Variants in ZCCHC4 observed in about 807,000 individuals in gnomAD.
ZCCHC4 encodes the protein rRNA N(6)-adenosine-methyltransferase ZCCHC4.
In ZCCHC4, 54 loss-of-function variants were observed where a neutral mutation model predicts 67.7. The ratio of observed to expected loss-of-function variants is 0.80; its 90% confidence interval spans 0.64 to 1.00. The LOEUF (loss-of-function observed/expected upper bound fraction) is 1.00. Ranked by LOEUF, ZCCHC4 falls within the 50% of genes least tolerant of loss-of-function variation. The pLI, the probability that ZCCHC4 is intolerant of heterozygous loss-of-function variation, is 0.00. For missense variants in ZCCHC4, 609 were observed against 617.0 expected (o/e 0.99, Z 0.14); for synonymous variants, 198 against 213.5 (o/e 0.93, Z 0.63).
In ZCCHC4 at chr4:25,364,413, C is replaced by A. The variant is rs767718736; in HGVS notation, c.1210-41C>A. ...AATTGTAGAACTTGATTTTTAATAACAAATTAATTATAATTTAAAAATTGT... is the reference window on the plus strand; with the variant it reads ...AATTGTAGAACTTGATTTTTAATAAAAAATTAATTATAATTTAAAAATTGT... On this transcript the variant is annotated intron_variant, in intron 10 of 12. Transcript: ENST00000302874. The A allele has an allele frequency of 3.4e-5, 46 of 1,362,328 alleles. No individual in the cohort carries two copies. The African/African-American group carries it at 5.9e-4, about 18-fold the overall frequency. The allele number at this position is 1,362,328 out of a possible 1,614,324, so 84.4% of individuals were successfully genotyped here.
intron 5 of ZCCHC4, among the ~76,000 whole-genome samples, 161 bp downstream of exon 5, chr4:25,334,149 A>G (rs998575737): frequency 6.6e-6 from 1 of 152,154 alleles, no homozygotes; most frequent in Non-Finnish European, 1.5e-5. Context: ...TCAACATGTA[A>G]TCTGTATTTC....
chr4:25,312,823 G>C lies in ZCCHC4; in HGVS notation c.14G>C (p.Arg5Thr), dbSNP rs369901387. The change falls in exon 1 of 13, where the codon AGG (arginine) becomes ACG (threonine). Residue 5 changes from arginine to threonine, a missense_variant. Coordinates refer to ENST00000302874, the MANE Select transcript of ZCCHC4 (RefSeq NM_024936.3). MAAS[R>T]NGFEAVEAEG... ...GGCGGCGGGAAGATGGCGGCCTCCA[G>C]GAATGGGTTTGAAGCCGTGGAGGCA... 2 of 1,613,334 alleles carry C rather than the reference G, an allele frequency of 1.2e-6. No homozygotes were observed. Among genetic ancestry groups the C allele is most frequent in the East Asian group, 2.2e-5 (1 of 44,876 alleles).
intron 2 of ZCCHC4, among the ~76,000 whole-genome samples, chr4:25,314,457 AG>A (rs1718140128): frequency 6.6e-6 from 1 of 152,210 alleles, no homozygotes; most frequent in Admixed American, 6.5e-5. Flanking sequence ...GAAGTACCAT[AG>A]GCTGTGTGGC....
chr4:25,324,014 G>GTTTTTTTTT lies in ZCCHC4; in HGVS notation c.329+8622_329+8630dup, dbSNP rs71188998. ...TCGTACAGTATGTACTGTTTTTTGT[G>GTTTTTTTTT]TTTTTTTTTTTTTTTTGAGACAGAG... is the stretch of plus-strand genomic sequence containing the variant. On this transcript the variant is annotated intron_variant, in intron 3 of 12. Coordinates refer to ENST00000302874, the MANE Select transcript of ZCCHC4 (RefSeq NM_024936.3). 1.2e-4 allele frequency among the ~76,000 whole-genome samples: 10 copies of GTTTTTTTTT among 82,414 alleles called. 1 individual carries two copies. Among genetic ancestry groups the GTTTTTTTTT allele is most frequent in the Non-Finnish European group, 1.3e-4 (6 of 46,544 alleles). The allele number at this position is 82,414 out of a possible 152,430, so 54.1% of individuals were successfully genotyped here. A position where few individuals can be genotyped will look rare whatever the true frequency, so the allele number is the denominator to read the frequency against.
chr4:25,356,230 G>A (rs59984145), intron 8 of ZCCHC4, among the ~76,000 whole-genome samples: 30,490 of 152,092 alleles, frequency 0.2, 3,918 homozygotes, highest in African/African-American at 0.36. Flanking sequence ...CATTGTGAGT[G>A]AAATGTCAGG....
chr4:25,314,247 T>G (rs747386306), intron 2 of ZCCHC4, 83 bp downstream of exon 2: 20 of 858,426 alleles, frequency 2.3e-5, no homozygotes, highest in Non-Finnish European at 3.6e-5. Context: ...AATAAAAATA[T>G]GCGGTCTGAA....
rs1720891327 is a variant in ZCCHC4, at chr4:25,365,125, C to G, written c.1365C>G (p.Arg455=). ...TTTGTGGTGAACTGGATCATAAACGCAGTACTTGTCCTAACATTGCTACAT... is the reference window on the plus strand; with the variant it reads ...TTTGTGGTGAACTGGATCATAAACGGAGTACTTGTCCTAACATTGCTACAT... ...CFICGELDHK[R]STCPNIATSK... is the part of the protein sequence containing the mutation. Residue 455 remains arginine, a synonymous_variant, in exon 12 of 13, where the codon CGC becomes CGG. Coordinates refer to ENST00000302874, the MANE Select transcript of ZCCHC4 (RefSeq NM_024936.3). The G allele has an allele frequency of 6.2e-6, 10 of 1,614,168 alleles. No individual in the cohort carries two copies. The highest frequency in any genetic ancestry group is 1.3e-5 in the African/African-American group (1 of 75,060).
intron 3 of ZCCHC4, among the ~76,000 whole-genome samples, chr4:25,324,057 G>T (rs1431474075): frequency 8.4e-6 from 1 of 118,506 alleles, no homozygotes; most frequent in African/African-American, 3.3e-5. Flanking sequence ...CTGCTGCCAG[G>T]CTGGAGTGCA....
intron 3 of ZCCHC4, among the ~76,000 whole-genome samples, chr4:25,325,260 A>G (rs1250764348): frequency 4.4e-5 from 6 of 136,710 alleles, no homozygotes; most frequent in Non-Finnish European, 8.2e-5. Context: ...AAAAAAAAAA[A>G]AAAGAAATAT....
chr4:25,318,257 C>G (rs186271857), intron 3 of ZCCHC4, among the ~76,000 whole-genome samples: 2 of 144,700 alleles, frequency 1.4e-5, no homozygotes, highest in African/African-American at 5.1e-5. Context: ...TAATTAAACT[C>G]TGTAAGAAAA....
At chr4:25,323,134 C>G (rs535878000) in intron 3 of ZCCHC4, among the ~76,000 whole-genome samples, 2 of 152,204 alleles carry the variant, frequency 1.3e-5, no homozygotes, top group Admixed American at 6.5e-5. Context: ...AGCCCTTTGT[C>G]TAATGATTTT....
intron 3 of ZCCHC4, among the ~76,000 whole-genome samples, chr4:25,332,690 A>T (rs1158600571): frequency 6.6e-6 from 1 of 152,232 alleles, no homozygotes; most frequent in African/African-American, 2.4e-5. Context: ...CAGTACTGCT[A>T]AGAACAGAGG....
chr4:25,315,789 C>T (rs150289100), intron 3 of ZCCHC4, among the ~76,000 whole-genome samples: 1 of 151,310 alleles, frequency 6.6e-6, no homozygotes, highest in Non-Finnish European at 1.5e-5. Flanking sequence ...TCACGACTCA[C>T]TATAGCCTCA....
intron 5 of ZCCHC4, among the ~76,000 whole-genome samples, chr4:25,343,935 T>A (rs544720761): frequency 6.6e-6 from 1 of 152,314 alleles, no homozygotes; most frequent in South Asian, 2.1e-4. Flanking sequence ...CCAAGGATGA[T>A]GTGAGTCATA....
intron 3 of ZCCHC4, among the ~76,000 whole-genome samples, chr4:25,328,912 G>C (rs1719032174): frequency 6.6e-6 from 1 of 152,222 alleles, no homozygotes; most frequent in Admixed American, 6.5e-5. Flanking sequence ...TTCTGGCCAG[G>C]TGCAGTGGCT....
chr4:25,348,788 G>T (rs1487340561), intron 6 of ZCCHC4, among the ~76,000 whole-genome samples: 2 of 152,138 alleles, frequency 1.3e-5, no homozygotes, highest in Non-Finnish European at 2.9e-5. Context: ...AGTCAGTTGA[G>T]TGGAGATACT....
Position 25,357,308 on chromosome 4 carries a change from C to T in ZCCHC4, c.1012-4551C>T, listed in dbSNP as rs572460551. Among the ~76,000 whole-genome samples the T allele has an allele frequency of 2.6e-4, 40 of 152,304 alleles. No homozygotes were observed. In the South Asian group the frequency reaches 8.1e-3, roughly 31 times the overall value. ...CAAAGAAATGAACTAGTTTTATCAA[C>T]GTCTCTCCTGAAATGTAGTGACTGA... On this transcript the variant is annotated intron_variant, in intron 8 of 12. Transcript: ENST00000302874.
chr4:25,347,047 G>A (rs972683201), intron 6 of ZCCHC4, among the ~76,000 whole-genome samples: 4 of 152,154 alleles, frequency 2.6e-5, no homozygotes, highest in Admixed American at 6.5e-5. Context: ...AGTTTGTGGG[G>A]TTGGTAGGAT....
intron 3 of ZCCHC4, 40 bp from the exon 4 acceptor site, chr4:25,333,143 A>G: frequency 6.3e-7 from 1 of 1,581,930 alleles, no homozygotes; most frequent in East Asian, 2.3e-5. Flanking sequence ...ACAACAATAA[A>G]CTTAAAATAT....
Sources: gnomAD v4.1 joint callset for allele counts (sites outside exome capture counted in the v4.1 genomes callset) on GRCh38, gnomAD v4.1.1 for gene constraint, MANE v1.5 for transcripts, NCBI Gene and HGNC (gene_info 2026-07-23, HGNC 2026-07-21) for gene names.